TBC1D5: variants seen among roughly 807,000 people sequenced by gnomAD.
The protein encoded by TBC1D5 is TBC1 domain family, member 5.
A neutral mutation model predicts 100.3 loss-of-function variants in TBC1D5; 75 were observed. The observed-to-expected ratio is 0.75, with a 90% CI of 0.62 to 0.91. TBC1D5 has a LOEUF of 0.91. TBC1D5 is among the 40% of genes least tolerant of loss of function. The probability of loss-of-function intolerance (pLI) is 0.00; values close to 1 mark genes in which losing one functional copy is unlikely to be tolerated. For missense variants in TBC1D5, 910 were observed against 942.4 expected, an observed-to-expected ratio of 0.97 and a Z score of 0.45; for synonymous variants, 323 against 325.6, an observed-to-expected ratio of 0.99 and a Z score of 0.09.
At chr3:17,615,850 T>A (rs763236438) in intron 2 of TBC1D5, among the ~76,000 whole-genome samples, 6 of 152,212 alleles carry the variant, frequency 3.9e-5, no homozygotes, top group African/African-American at 1.4e-4. Context: ...CCTGGATTCA[T>A]TGCATTTTTT....
intron 2 of TBC1D5, among the ~76,000 whole-genome samples, chr3:17,518,221 C>A (rs986295856): frequency 1.1e-4 from 17 of 152,158 alleles, no homozygotes; most frequent in African/African-American, 3.6e-4. Flanking sequence ...GCCTGAAACC[C>A]ACAGCCCAAA....
intron 8 of TBC1D5, among the ~76,000 whole-genome samples, chr3:17,395,392 T>A (rs1286718081): frequency 6.6e-6 from 1 of 151,998 alleles, no homozygotes; most frequent in Non-Finnish European, 1.5e-5. Context: ...CAGACTTTAT[T>A]TTGAAGTTTT....
chr3:17,223,805 G>C (rs144469195), intron 17 of TBC1D5, among the ~76,000 whole-genome samples: 71 of 152,248 alleles, frequency 4.7e-4, no homozygotes, highest in African/African-American at 1.7e-3. Context: ...TACTTGGGAA[G>C]AAGCAGGAGA....
intron 15 of TBC1D5, among the ~76,000 whole-genome samples, chr3:17,278,600 C>A (rs2080264060): frequency 6.6e-6 from 1 of 152,124 alleles, no homozygotes; most frequent in Non-Finnish European, 1.5e-5. Flanking sequence ...ACCTCTGTTA[C>A]ATGCTTTGTG....
At chr3:17,453,631 T>TA (rs1184552805) in intron 3 of TBC1D5, among the ~76,000 whole-genome samples, 1 of 151,964 alleles carries the variant, frequency 6.6e-6, no homozygotes, top group Non-Finnish European at 1.5e-5. Flanking sequence ...AACAGACCAA[T>TA]AATGAGTAAC....
At chr3:17,625,128 T>TTGAATTTATC (rs1241240039) in intron 1 of TBC1D5, among the ~76,000 whole-genome samples, 1 of 152,074 alleles carries the variant, frequency 6.6e-6, no homozygotes, top group Non-Finnish European at 1.5e-5. Context: ...GAGCAAACAT[T>TTGAATTTATC]TGAATTTATC....
chr3:17,381,736 C>T (rs995648161), intron 9 of TBC1D5, among the ~76,000 whole-genome samples: 1 of 151,948 alleles, frequency 6.6e-6, no homozygotes, highest in Admixed American at 6.6e-5. Context: ...GATGAGTCTA[C>T]CTTGCTTGCG....
chr3:17,413,102 C>T lies in TBC1D5; in HGVS notation c.168-6576G>A, dbSNP rs564542854. ...TTAGCCACCTGGACCTTGAAGATTT[C>T]CTTAACAAAGCATTAGTGCCACCTA... On this transcript the variant is annotated intron_variant, in intron 4 of 21. Transcript: ENST00000253692. Among the ~76,000 whole-genome samples the T allele has an allele frequency of 2.6e-4, 39 of 152,232 alleles. No homozygotes were observed. The South Asian group carries it at 7.7e-3, about 30-fold the overall frequency.
At chr3:17,320,277 T>G (rs550548673) in intron 13 of TBC1D5, among the ~76,000 whole-genome samples, 1 of 152,342 alleles carries the variant, frequency 6.6e-6, no homozygotes, top group East Asian at 1.9e-4. Context: ...GTGTGGTCTC[T>G]AAACCAGCAG....
intron 2 of TBC1D5, among the ~76,000 whole-genome samples, chr3:17,543,756 A>G (rs1213206079): frequency 1.3e-5 from 2 of 152,206 alleles, no homozygotes; most frequent in East Asian, 1.9e-4. Context: ...TGGTTATCAA[A>G]TGTTGGTATA....
At chr3:17,577,683 T>C (rs779451375) in intron 2 of TBC1D5, among the ~76,000 whole-genome samples, 23 of 152,004 alleles carry the variant, frequency 1.5e-4, no homozygotes, top group Non-Finnish European at 2.5e-4. Flanking sequence ...GAATTAAATT[T>C]TTAAAAATTT....
At chr3:17,178,133 T>TCGGCTCAC (rs1190872178) in intron 19 of TBC1D5, among the ~76,000 whole-genome samples, 4 of 150,656 alleles carry the variant, frequency 2.7e-5, no homozygotes, top group Non-Finnish European at 5.9e-5. Flanking sequence ...TGGCGCGATC[T>TCGGCTCAC]CGGCTCACTG....
At chr3:17,253,655 T>C (rs767900272) in intron 16 of TBC1D5, among the ~76,000 whole-genome samples, 1 of 152,194 alleles carries the variant, frequency 6.6e-6, no homozygotes, top group Non-Finnish European at 1.5e-5. Flanking sequence ...CAAACCCTTA[T>C]CCTGAGGTAG....
At chr3:17,509,637 A>C (rs1293238754) in intron 2 of TBC1D5, among the ~76,000 whole-genome samples, 1 of 152,046 alleles carries the variant, frequency 6.6e-6, no homozygotes, top group Non-Finnish European at 1.5e-5. Context: ...TCTTCATGAT[A>C]TCTAAACATG....
At chr3:17,705,502 C>A (rs1360496905) in intron 1 of TBC1D5, among the ~76,000 whole-genome samples, 1 of 149,086 alleles carries the variant, frequency 6.7e-6, no homozygotes, top group African/African-American at 2.5e-5. Context: ...GGGGTGGTTG[C>A]CAGGCGGAGG....
intron 1 of TBC1D5, among the ~76,000 whole-genome samples, chr3:17,712,140 CCTTCT>C (rs1398790579): frequency 6.6e-6 from 1 of 151,990 alleles, no homozygotes; most frequent in African/African-American, 2.4e-5. Flanking sequence ...CTCCTTACTC[CCTTCT>C]CTTCTCTCGG....
rs1406692031 is a variant in TBC1D5 at position 17,578,017 on chromosome 3, G to T, written c.-36+45832C>A. 2.0e-5 allele frequency among the ~76,000 whole-genome samples: 3 copies of T among 151,938 alleles called. No individual in the cohort carries two copies. The South Asian group carries it at 6.2e-4, about 31-fold the overall frequency. On this transcript the variant is annotated intron_variant, in intron 2 of 21. Coordinates refer to ENST00000253692, the Ensembl canonical transcript of TBC1D5. ...AAAATGCATAGTGACTGCACCAGATGTGCACAATAAACAGGAAACCCATTG... is the reference window on the plus strand; with the variant it reads ...AAAATGCATAGTGACTGCACCAGATTTGCACAATAAACAGGAAACCCATTG...
At chr3:17,413,775 T>G (rs1467061909) in intron 4 of TBC1D5, among the ~76,000 whole-genome samples, 2 of 152,200 alleles carry the variant, frequency 1.3e-5, no homozygotes. Context: ...TGATGGTTTC[T>G]ATCCCATTTT....
chr3:17,583,050 C>T (rs2096709741), intron 2 of TBC1D5, among the ~76,000 whole-genome samples: 1 of 151,972 alleles, frequency 6.6e-6, no homozygotes, highest in Non-Finnish European at 1.5e-5. Flanking sequence ...TTTAAGAGAC[C>T]AACGTAGGTG....
Sources: allele counts gnomAD v4.1 joint callset (sites outside exome capture counted in the v4.1 genomes callset), GRCh38; gene constraint gnomAD v4.1.1; transcripts MANE v1.5; gene names NCBI Gene and HGNC (gene_info 2026-07-23, HGNC 2026-07-21).